HECW1: variants seen among roughly 807,000 people sequenced by gnomAD.
HECW1 encodes E3 ubiquitin-protein ligase HECW1.
A neutral mutation model predicts 182.3 loss-of-function variants in HECW1; 61 were observed. The ratio of observed to expected loss-of-function variants is 0.33; its 90% CI spans 0.27 to 0.41. The LOEUF (loss-of-function observed/expected upper bound fraction) is 0.41, where lower values mean the gene tolerates loss of function less well. Ranked by LOEUF, HECW1 falls within the 10% of genes least tolerant of loss-of-function variation. The pLI, the probability that HECW1 is intolerant of heterozygous loss-of-function variation, is 1.00. For missense variants in HECW1, 1,739 were observed against 2,108.9 expected (o/e 0.82, Z 3.44); for synonymous variants, 859 against 832.6 (o/e 1.03, Z -0.55).
Position 43,511,995 on chromosome 7 carries a change from T to C in HECW1, c.4019+2874T>C, listed in dbSNP as rs568881973. On this transcript the variant is annotated intron_variant, in intron 24 of 29. Coordinates refer to ENST00000395891, the MANE Select transcript of HECW1 (RefSeq NM_015052.5). ...CAGAATCCTGAGTCCTCAAATCTGA[T>C]CGCTCACGACTGGTACCACTGGCTG... 1.1e-4 allele frequency: 23 copies of C among 208,492 alleles called. 1 individual carries two copies. The South Asian group carries it at 4.3e-3, about 39-fold the overall frequency. 12.9% of individuals were successfully genotyped at this position (208,492 alleles called of 1,614,324 possible).
intron 9 of HECW1, among the ~76,000 whole-genome samples, chr7:43,442,267 T>C (rs2076912548): frequency 6.6e-6 from 1 of 152,264 alleles, no homozygotes; most frequent in Admixed American, 6.5e-5. Context: ...TAAGCTATGA[T>C]GTTTGGCAGG....
intron 3 of HECW1, among the ~76,000 whole-genome samples, chr7:43,252,777 T>G (rs1201071319): frequency 6.6e-6 from 1 of 152,246 alleles, no homozygotes; most frequent in Admixed American, 6.5e-5. Flanking sequence ...TCATTTATTA[T>G]AAAACACCTA....
At chr7:43,503,054 C>T (rs2292) in intron 21 of HECW1, among the ~76,000 whole-genome samples, 28,699 of 152,080 alleles carry the variant, frequency 0.19, 2,993 homozygotes, top group South Asian at 0.26. Flanking sequence ...TTCAGAAGTC[C>T]CTCTTAGAGG....
chr7:43,494,170 T>C (rs955253773), intron 19 of HECW1, among the ~76,000 whole-genome samples: 3 of 152,204 alleles, frequency 2.0e-5, no homozygotes, highest in Admixed American at 2.0e-4. Context: ...CACCCCCTCA[T>C]TGACACCTCT....
chr7:43,442,546 A>G lies in HECW1; in HGVS notation c.962A>G (p.Tyr321Cys). The change falls in exon 10 of 30, where the codon TAC becomes TGC. Residue 321 changes from tyrosine to cysteine, a missense_variant. Transcript: ENST00000395891. ...CCTTCTAGGGATAGGGTGGTCAGCTACACACTTGGCCGCAGGCTTCCAACA... is the reference window on the plus strand; with the variant it reads ...CCTTCTAGGGATAGGGTGGTCAGCTGCACACTTGGCCGCAGGCTTCCAACA... ...RHAIGDRVVS[Y>C]TLGRRLPTDH... The G allele has an allele frequency of 6.2e-7, 1 of 1,613,368 alleles. No individual in the cohort carries two copies. Among genetic ancestry groups the G allele is most frequent in the South Asian group, 1.1e-5 (1 of 91,006 alleles).
At chr7:43,534,135 A>G (rs1056181388) in intron 24 of HECW1, among the ~76,000 whole-genome samples, 1 of 152,170 alleles carries the variant, frequency 6.6e-6, no homozygotes, top group Non-Finnish European at 1.5e-5. Flanking sequence ...ACTTTCGTAT[A>G]AAAGGATTAA....
rs746876572 is a variant in HECW1 at position 43,445,566 on chromosome 7, A to G, written c.2394A>G (p.Arg798=). 1.3e-6 allele frequency: 2 copies of G among 1,582,036 alleles called. No homozygotes were observed. The highest frequency in any genetic ancestry group is 1.7e-6 in the Non-Finnish European group (2 of 1,160,706). The change falls in exon 11 of 30, where the codon AGA becomes AGG. Residue 798 remains arginine, a synonymous_variant. Transcript: ENST00000395891. ...ESPVAGPSNR[R]EGECPILHNS... Reference sequence around the variant, plus strand: ...CCGTGGCAGGTCCAAGCAATCGGAGAGAAGGTTAGACCTCAAACCTGATCA... The same window carrying G: ...CCGTGGCAGGTCCAAGCAATCGGAGGGAAGGTTAGACCTCAAACCTGATCA...
At chr7:43,359,324 A>G (rs989402658) in intron 5 of HECW1, among the ~76,000 whole-genome samples, 4 of 152,168 alleles carry the variant, frequency 2.6e-5, no homozygotes, top group African/African-American at 9.7e-5. Context: ...TCAAAATAAA[A>G]CTGAGATTCT....
chr7:43,365,997 G>A (rs1179270409), intron 6 of HECW1, among the ~76,000 whole-genome samples: 1 of 152,026 alleles, frequency 6.6e-6, no homozygotes, highest in African/African-American at 2.4e-5. Context: ...TAGCTACTTG[G>A]GAGGCTGAGG....
chr7:43,149,787 A>G (rs942557685), intron 2 of HECW1, among the ~76,000 whole-genome samples: 3 of 152,192 alleles, frequency 2.0e-5, no homozygotes, highest in South Asian at 2.1e-4. Context: ...TTATACATTA[A>G]CACACTCATA....
chr7:43,418,895 C>A (rs2076095640), intron 8 of HECW1, among the ~76,000 whole-genome samples: 2 of 152,080 alleles, frequency 1.3e-5, no homozygotes, highest in Admixed American at 6.6e-5. Flanking sequence ...TGAAGAGACT[C>A]TGGATTTTGC....
Position 43,445,119 on chromosome 7 carries a change from C to T in HECW1, c.1947C>T (p.Asp649=), listed in dbSNP as rs774727238. The part of the protein sequence containing the change: ...SLANGAAQDG[D]THPSTGSESD... ...CCAATGGCGCGGCCCAGGATGGCGA[C>T]ACGCACCCCAGCACCGGGAGCGAGA... The change falls in exon 11 of 30, where the codon GAC becomes GAT. Residue 649 remains aspartate (D), a synonymous_variant. Transcript: ENST00000395891. 3.7e-6 allele frequency: 6 copies of T among 1,608,418 alleles called. No homozygotes were observed. The highest frequency in any genetic ancestry group is 5.1e-6 in the Non-Finnish European group (6 of 1,178,678).
intron 24 of HECW1, chr7:43,511,514 G>A (rs1474815633): frequency 2.0e-5 from 3 of 152,184 alleles, no homozygotes; most frequent in Non-Finnish European, 2.9e-5. Flanking sequence ...GACCCTCCAT[G>A]TGGAATCACA....
intron 5 of HECW1, among the ~76,000 whole-genome samples, chr7:43,339,431 T>A (rs1026746894): frequency 1.4e-4 from 21 of 152,220 alleles, no homozygotes; most frequent in Non-Finnish European, 2.5e-4. Flanking sequence ...GCTATTCTAT[T>A]TTTCAGTAAT....
At position 43,444,241 on chromosome 7, in the gene HECW1, A is replaced by G. The variant is rs1222814980; in HGVS notation, c.1069A>G (p.Thr357Ala). 1.9e-6 allele frequency: 3 copies of G among 1,609,144 alleles called. No homozygotes were observed. The Admixed American group carries it at 5.0e-5, about 27-fold the overall frequency. Residue 357 changes from threonine (T) to alanine (A), a missense_variant, in exon 11 of 30, where the codon ACC becomes GCC. Transcript: ENST00000395891. This position sits in a 1 kb window ranked among gnomAD's most constrained non-coding sequence, Gnocchi z 4.3. ...HPDDEEISLS[T>A]EPESAQIQDS... ...AGATGATGAGGAGATTTCCCTGAGT[A>G]CCGAGCCTGAGTCAGCCCAAATTCA...
At chr7:43,116,477 T>C (rs1219671400) in intron 2 of HECW1, among the ~76,000 whole-genome samples, 2 of 152,200 alleles carry the variant, frequency 1.3e-5, no homozygotes, top group Non-Finnish European at 2.9e-5. Flanking sequence ...TCAAGCAACA[T>C]TGAACCACTG....
At chr7:43,166,238 C>T (rs1791095625) in intron 2 of HECW1, among the ~76,000 whole-genome samples, 1 of 152,210 alleles carries the variant, frequency 6.6e-6, no homozygotes, top group African/African-American at 2.4e-5. Context: ...CACCCACCAC[C>T]ACAGCCAGCT....
intron 5 of HECW1, among the ~76,000 whole-genome samples, chr7:43,323,545 C>T (rs1239474991): frequency 1.3e-5 from 2 of 152,112 alleles, no homozygotes; most frequent in Non-Finnish European, 2.9e-5. Context: ...ATGATAGTGC[C>T]ACTAAACTCT....
At position 43,311,882 on chromosome 7, in the gene HECW1, C is replaced by T. The variant is rs778885511; in HGVS notation, c.147C>T (p.His49=). Residue 49 remains histidine, a synonymous_variant, in exon 4 of 30, where the codon CAC becomes CAT. Coordinates refer to ENST00000395891, the MANE Select transcript of HECW1 (RefSeq NM_015052.5). ...ACAGCTACAACCCCGACCAGTTCCA[C>T]AACATGGACCTCAGGGGCGGCCCCC... ...LRYSYNPDQF[H]NMDLRGGPHD... is the part of the protein sequence containing the mutation. The T allele has an allele frequency of 2.5e-5, 40 of 1,614,124 alleles. No homozygotes were observed. Among genetic ancestry groups the T allele is most frequent in the Non-Finnish European group, 3.3e-5 (39 of 1,180,054 alleles).
Sources: gnomAD v4.1 joint callset for allele counts (sites outside exome capture counted in the v4.1 genomes callset) on GRCh38, gnomAD v4.1.1 for gene constraint, Gnocchi (gnomAD v3.1) non-coding constraint, MANE v1.5 for transcripts, NCBI Gene and HGNC (gene_info 2026-07-23, HGNC 2026-07-21) for gene names.